Variants in STAMBP observed in about 807,000 individuals in gnomAD.
STAMBP encodes STAM-binding protein.
STAMBP carries 31 observed loss-of-function variants against 50.7 expected under a neutral mutation model. That is an observed-to-expected ratio of 0.61 (90% CI 0.46 to 0.83). STAMBP has a LOEUF of 0.83. STAMBP is among the 40% of genes least tolerant of loss of function. STAMBP has a pLI of 0.00. For missense variants in STAMBP, 472 were observed against 518.9 expected (o/e 0.91, Z 0.88); for synonymous variants, 211 against 192.4 (o/e 1.10, Z -0.80).
intron 1 of STAMBP, among the ~76,000 whole-genome samples, chr2:73,830,548 T>C (rs988372943): frequency 1.2e-4 from 18 of 152,222 alleles, no homozygotes; most frequent in African/African-American, 4.1e-4. Context: ...TGGCAAAGGA[T>C]TTGATTAACT....
intron 5 of STAMBP, 84 bp from the exon 6 acceptor site, chr2:73,849,279 G>C: frequency 6.2e-7 from 1 of 1,600,782 alleles, no homozygotes; most frequent in Non-Finnish European, 8.5e-7. Flanking sequence ...GCTTAATGTT[G>C]CTCCTCCAGG....
In STAMBP at chr2:73,831,302, T is replaced by G. The variant is rs1042569857; in HGVS notation, c.203+243T>G. Among the ~76,000 whole-genome samples the G allele has an allele frequency of 2.0e-5, 3 of 152,254 alleles. No individual in the cohort carries two copies. In the South Asian group the frequency reaches 6.2e-4, roughly 31 times the overall value. On this transcript the variant is annotated intron_variant, in intron 2 of 9. Coordinates refer to ENST00000394070, the MANE Select transcript of STAMBP (RefSeq NM_213622.4). ...GGCCTATGCCCACATAGCCCAGCTGTTAGACAAAAGAGTTGGTGGTTAAAC... is the reference window on the plus strand; with the variant it reads ...GGCCTATGCCCACATAGCCCAGCTGGTAGACAAAAGAGTTGGTGGTTAAAC...
At chr2:73,855,454 A>C (rs1573374813) in intron 7 of STAMBP, among the ~76,000 whole-genome samples, 1 of 152,276 alleles carries the variant, frequency 6.6e-6, no homozygotes, top group East Asian at 1.9e-4. Flanking sequence ...AAGTTTTTTG[A>C]TTCTGTTTAA....
intron 2 of STAMBP, among the ~76,000 whole-genome samples, chr2:73,837,509 C>T (rs1208394272): frequency 2.1e-5 from 3 of 139,832 alleles, no homozygotes; most frequent in African/African-American, 7.8e-5. Context: ...GGCGTGAACC[C>T]GGGAGGCGGA....
chr2:73,835,308 C>A (rs183805453), intron 2 of STAMBP, among the ~76,000 whole-genome samples: 9 of 148,986 alleles, frequency 6.0e-5, no homozygotes, highest in Non-Finnish European at 1.2e-4. Flanking sequence ...GAGCCAAGAT[C>A]GCGGCACTGC....
chr2:73,860,113 G>A lies in STAMBP; in HGVS notation c.1180G>A (p.Gly394Arg), dbSNP rs753793924. Residue 394 changes from glycine (G) to arginine (R), a missense_variant, in exon 9 of 10, where the codon GGA becomes AGA. Coordinates refer to ENST00000394070, the MANE Select transcript of STAMBP (RefSeq NM_213622.4). ...GGAGATTTCTTCCTGTCGCCAGAAA[G>A]GATTTCATCCACACAGCAAGGATCC... ...LEEISSCRQK[G>R]FHPHSKDPPL... 1.2e-6 allele frequency: 2 copies of A among 1,613,956 alleles called. No homozygotes were observed. The highest frequency in any genetic ancestry group is 2.2e-5 in the East Asian group (1 of 44,886).
intron 1 of STAMBP, among the ~76,000 whole-genome samples, chr2:73,830,248 C>A (rs1673731797): frequency 6.6e-6 from 1 of 152,214 alleles, no homozygotes; most frequent in African/African-American, 2.4e-5. Flanking sequence ...TATAGATTGA[C>A]TATAGTGGTT....
chr2:73,840,015 G>A (rs769722905), intron 2 of STAMBP, among the ~76,000 whole-genome samples: 10 of 152,156 alleles, frequency 6.6e-5, no homozygotes, highest in African/African-American at 2.4e-4. Flanking sequence ...CTTAGCTGCT[G>A]TATCTAAAAT....
intron 7 of STAMBP, among the ~76,000 whole-genome samples, chr2:73,851,935 C>T (rs1289761545): frequency 6.6e-6 from 1 of 152,108 alleles, no homozygotes; most frequent in Non-Finnish European, 1.5e-5. Flanking sequence ...CCACCACGCC[C>T]GGCTAGATAT....
At position 73,850,526 on chromosome 2, in the gene STAMBP, G is replaced by A. The variant is rs1170922626; in HGVS notation, c.1005+13G>A. 2 of 1,610,760 alleles carry A rather than the reference G, an allele frequency of 1.2e-6. No individual in the cohort carries two copies. The highest frequency in any genetic ancestry group is 1.7e-6 in the Non-Finnish European group (2 of 1,178,420). On this transcript the variant is annotated intron_variant, in intron 7 of 9. Coordinates refer to ENST00000394070, the MANE Select transcript of STAMBP (RefSeq NM_213622.4). The surrounding 1 kb of genome is among the most constrained non-coding windows in gnomAD (Gnocchi z 4.3). ...GGGCTGGATTCATGTAAGCAATTCT[G>A]AGCTGTCCGAGAGTTAGTCTCTGCC...
chr2:73,850,312 A>ATGGAG lies in STAMBP; in HGVS notation c.868-58_868-54dup. 6.5e-7 allele frequency: 1 copy of ATGGAG among 1,541,064 alleles called. No homozygotes were observed. The highest frequency in any genetic ancestry group is 2.3e-5 in the East Asian group (1 of 42,894). ...AGATGCTTACCTTTCCACTGTCGGG[A>ATGGAG]TGGAGTGGAGCAGGGTTGCATGAGC... On this transcript the variant is annotated intron_variant, in intron 6 of 9. Coordinates refer to ENST00000394070, the MANE Select transcript of STAMBP (RefSeq NM_213622.4). The surrounding 1 kb of genome is among the most constrained non-coding windows in gnomAD (Gnocchi z 4.3).
In STAMBP at chr2:73,833,747, T is replaced by C. The variant is rs534345057; in HGVS notation, c.203+2688T>C. The stretch of plus-strand genomic sequence containing the variant: ...TCAACACATGTATATTGAGTATACC[T>C]GCTGTCTACATGGCACTGCACTAGG... On this transcript the variant is annotated intron_variant, in intron 2 of 9. Coordinates refer to ENST00000394070, the MANE Select transcript of STAMBP (RefSeq NM_213622.4). Among the ~76,000 whole-genome samples, 4 of 152,310 alleles carry C rather than the reference T, an allele frequency of 2.6e-5. No individual in the cohort carries two copies. In the East Asian group the frequency reaches 7.7e-4, roughly 29 times the overall value.
chr2:73,871,791 A>C (rs1679210003), downstream of STAMBP, among the ~76,000 whole-genome samples: 1 of 152,006 alleles, frequency 6.6e-6, no homozygotes, highest in Non-Finnish European at 1.5e-5. Flanking sequence ...TTTTTGAAAC[A>C]GAGGCTCGCT....
At chr2:73,838,747 G>A (rs1558564159) in intron 2 of STAMBP, among the ~76,000 whole-genome samples, 1 of 152,226 alleles carries the variant, frequency 6.6e-6, no homozygotes, top group Non-Finnish European at 1.5e-5. Flanking sequence ...TACTAGGAGA[G>A]TTGGTGCGGA....
At chr2:73,841,701 G>C (rs1271062785) in intron 2 of STAMBP, among the ~76,000 whole-genome samples, 2 of 152,182 alleles carry the variant, frequency 1.3e-5, no homozygotes, top group Non-Finnish European at 2.9e-5. Context: ...AAAAAACTGA[G>C]GGATGGTGAG....
intron 2 of STAMBP, among the ~76,000 whole-genome samples, chr2:73,843,177 T>C (rs917642096): frequency 1.4e-5 from 2 of 147,570 alleles, no homozygotes; most frequent in Non-Finnish European, 3.0e-5. Flanking sequence ...TCAAGGAAAC[T>C]GTTTTATATC....
chr2:73,831,983 G>T (rs1673981960), intron 2 of STAMBP, among the ~76,000 whole-genome samples: 1 of 151,334 alleles, frequency 6.6e-6, no homozygotes, highest in South Asian at 2.1e-4. Context: ...TTTCCATTTA[G>T]TAATGTTCTA....
downstream of STAMBP, among the ~76,000 whole-genome samples, chr2:73,870,922 G>T (rs886641994): frequency 6.6e-6 from 1 of 151,996 alleles, no homozygotes; most frequent in Admixed American, 6.6e-5. Context: ...TTGTAGGAGG[G>T]TTTAAATTTT....
chr2:73,831,124 T>A (rs137870299), intron 2 of STAMBP, 65 bp downstream of exon 2: 3 of 1,355,150 alleles, frequency 2.2e-6, no homozygotes, highest in African/African-American at 2.9e-5. Context: ...TGGCTCAGAA[T>A]TGCTAAAACC....
Sources: gnomAD v4.1 joint callset for allele counts (sites outside exome capture counted in the v4.1 genomes callset) on GRCh38, gnomAD v4.1.1 for gene constraint, Gnocchi (gnomAD v3.1) non-coding constraint, MANE v1.5 for transcripts, NCBI Gene and HGNC (gene_info 2026-07-23, HGNC 2026-07-21) for gene names.